Variants in DEPDC4 observed in about 807,000 individuals in gnomAD.
The protein encoded by DEPDC4 is DEP domain containing 4, also known as DEP domain-containing protein 4.
Under a neutral mutation model 52.0 loss-of-function variants are expected in DEPDC4, and 52 were observed. That is an observed-to-expected ratio of 1.00 (90% CI 0.80 to 1.26). DEPDC4 has a LOEUF of 1.26. Ranked by LOEUF, DEPDC4 falls within the 50% of genes most tolerant of loss-of-function variation. DEPDC4 has a pLI of 0.00. For missense variants in DEPDC4, 530 were observed against 546.9 expected (o/e 0.97, Z 0.31); for synonymous variants, 201 against 196.8 (o/e 1.02, Z -0.18).
downstream of DEPDC4, among the ~76,000 whole-genome samples, chr12:100,235,499 C>T (rs1191107192): frequency 2.0e-5 from 3 of 151,824 alleles, no homozygotes; most frequent in Non-Finnish European, 2.9e-5. Flanking sequence ...ATACACTGAA[C>T]CCAATTTGTA....
rs936813162 is a variant in DEPDC4 at position 100,253,499 on chromosome 12, A to T, written c.1095T>A (p.Ile365=). The change falls in exon 5 of 10, where the codon ATT becomes ATA. Residue 365 remains isoleucine, a synonymous_variant. Transcript: ENST00000550587. ...AACATCCTATCTTACCTAAAAGTTCAATAATTCCTGAATGAATATCAAAAT... is the reference window on the plus strand; with the variant it reads ...AACATCCTATCTTACCTAAAAGTTCTATAATTCCTGAATGAATATCAAAAT... ...DEYFDIHSGI[I]ELLENEKRAE... 2 of 1,264,544 alleles carry T rather than the reference A, an allele frequency of 1.6e-6. No homozygotes were observed. The highest frequency in any genetic ancestry group is 3.1e-5 in the African/African-American group (2 of 65,490). The allele number at this position is 1,264,544 out of a possible 1,614,324, so 78.3% of individuals were successfully genotyped here.
Position 100,241,861 on chromosome 12 carries a change from A to G in DEPDC4, c.*47-16T>C. The G allele has an allele frequency of 1.7e-6, 2 of 1,199,706 alleles. No homozygotes were observed. Among genetic ancestry groups the G allele is most frequent in the East Asian group, 1.3e-4 (2 of 15,830 alleles). 74.3% of individuals were successfully genotyped at this position (1,199,706 alleles called of 1,614,324 possible). On this transcript the variant is annotated splice_polypyrimidine_tract_variant and intron_variant, in intron 9 of 9. Coordinates refer to ENST00000550587, the MANE Select transcript of DEPDC4 (RefSeq NM_001364818.2). Reference sequence around the variant, plus strand: ...AACGTAAAGCCTGGAAAAAAAAAAAAAAAACAAAAGAAAAAGAAAAGTACC... The same window carrying G: ...AACGTAAAGCCTGGAAAAAAAAAAAGAAAACAAAAGAAAAAGAAAAGTACC...
Position 100,241,398 on chromosome 12 carries a change from T to C in DEPDC4, c.*494A>G, listed in dbSNP as rs1325266931. 6.6e-6 allele frequency among the ~76,000 whole-genome samples: 1 copy of C among 152,076 alleles called. No individual in the cohort carries two copies. Among genetic ancestry groups the C allele is most frequent in the Non-Finnish European group, 1.5e-5 (1 of 68,028 alleles). Reference sequence around the variant, plus strand: ...GCATGATTAAATTAAAAGTAATATTTTATAAAAATAAAATAATGGCCAAGT... The same window carrying C: ...GCATGATTAAATTAAAAGTAATATTCTATAAAAATAAAATAATGGCCAAGT... On this transcript the variant is annotated 3_prime_UTR_variant, in exon 10 of 10. Coordinates refer to ENST00000550587, the MANE Select transcript of DEPDC4 (RefSeq NM_001364818.2).
chr12:100,281,883 A>G, the DEPDC4 span, among the ~76,000 whole-genome samples: 1 of 152,068 alleles, frequency 6.6e-6, no homozygotes, highest in Non-Finnish European at 1.5e-5. Flanking sequence ...GTAAAGTGTA[A>G]AGTGTTAGCA....
chr12:100,278,415 A>G, the DEPDC4 span, among the ~76,000 whole-genome samples: 1 of 151,992 alleles, frequency 6.6e-6, no homozygotes, highest in African/African-American at 2.4e-5. Context: ...GCCTAGGCTC[A>G]TCTCGAACTG....
intron 3 of DEPDC4, among the ~76,000 whole-genome samples, chr12:100,258,722 T>G (rs1387428458): frequency 6.9e-6 from 1 of 145,376 alleles, no homozygotes; most frequent in African/African-American, 2.8e-5. Flanking sequence ...CCACCTAGAA[T>G]TCTGTCAATC....
chr12:100,237,663 C>A (rs1340125216), downstream of DEPDC4: 1 of 152,148 alleles, frequency 6.6e-6, no homozygotes, highest in East Asian at 1.9e-4. Context: ...TGACTGTTAT[C>A]CATCGAAGAG....
the DEPDC4 span, among the ~76,000 whole-genome samples, chr12:100,273,605 C>T: frequency 1.3e-5 from 2 of 152,160 alleles, no homozygotes; most frequent in African/African-American, 4.8e-5. Context: ...GATAGCATCT[C>T]AAATTTGAAT....
chr12:100,242,578 T>C lies in DEPDC4; in HGVS notation c.1454-9A>G, dbSNP rs981680835. ...GTTATTTTCAGCCATACCTTAAAGA[T>C]AAAGAAATAAAGCTTGACCACATGG... On this transcript the variant is annotated splice_polypyrimidine_tract_variant and intron_variant, in intron 8 of 9. Coordinates refer to ENST00000550587, the MANE Select transcript of DEPDC4 (RefSeq NM_001364818.2). 3 of 154,794 alleles carry C rather than the reference T, an allele frequency of 1.9e-5. No homozygotes were observed. Among genetic ancestry groups the C allele is most frequent in the Non-Finnish European group, 4.4e-5 (3 of 68,208 alleles). 9.6% of individuals were successfully genotyped at this position (154,794 alleles called of 1,614,324 possible). A position where few individuals can be genotyped will look rare whatever the true frequency, so the allele number is the denominator to read the frequency against.
chr12:100,262,938 G>A (rs764139519), intron 2 of DEPDC4, among the ~76,000 whole-genome samples: 1 of 152,188 alleles, frequency 6.6e-6, no homozygotes, highest in Non-Finnish European at 1.5e-5. Context: ...AAAAACTACT[G>A]AGATATAATT....
intron 8 of DEPDC4, among the ~76,000 whole-genome samples, chr12:100,243,622 G>A (rs960852587): frequency 2.6e-5 from 4 of 151,722 alleles, no homozygotes; most frequent in Non-Finnish European, 4.4e-5. Flanking sequence ...CTCCTCCAGG[G>A]CCTGCCTCCA....
At chr12:100,265,365 G>A (rs925280659) in intron 1 of DEPDC4, among the ~76,000 whole-genome samples, 4 of 152,184 alleles carry the variant, frequency 2.6e-5, no homozygotes, top group African/African-American at 9.7e-5. Flanking sequence ...GGAGGCTGAG[G>A]CAGGTGGAGG....
intron 1 of DEPDC4, among the ~76,000 whole-genome samples, chr12:100,265,834 T>C (rs1007554905): frequency 2.0e-5 from 3 of 152,174 alleles, no homozygotes; most frequent in Non-Finnish European, 4.4e-5. Flanking sequence ...TGTAAATAAA[T>C]AGAAAGATCT....
At chr12:100,257,499 C>G (rs573684652) in intron 3 of DEPDC4, among the ~76,000 whole-genome samples, 14 of 152,322 alleles carry the variant, frequency 9.2e-5, no homozygotes, top group African/African-American at 3.4e-4. Flanking sequence ...CCTCAGCCTA[C>G]CGAGTAGCTG....
Position 100,255,236 on chromosome 12 carries a change from T to G in DEPDC4, c.878+813A>C, listed in dbSNP as rs115910680. On this transcript the variant is annotated intron_variant, in intron 4 of 9. Coordinates refer to ENST00000550587, the MANE Select transcript of DEPDC4 (RefSeq NM_001364818.2). ...GCAGCGGCACCTGCAGAAATCCTGT[T>G]TCTTTTCTGGTGTCCCTATACTATC... is the stretch of plus-strand genomic sequence containing the variant. Among the ~76,000 whole-genome samples the G allele has an allele frequency of 9.5e-3, 1,440 of 152,350 alleles. 27 individuals are homozygous for G. The highest frequency in any genetic ancestry group is 0.032 in the African/African-American group (1,343 of 41,588).
At chr12:100,272,039 G>A (rs2096288219), upstream of DEPDC4, among the ~76,000 whole-genome samples, 1 of 152,108 alleles carries the variant, frequency 6.6e-6, no homozygotes, top group African/African-American at 2.4e-5. Context: ...TATTACAACA[G>A]ATTCACATGC....
At chr12:100,236,705 C>G (rs899622563), downstream of DEPDC4, among the ~76,000 whole-genome samples, 1 of 152,040 alleles carries the variant, frequency 6.6e-6, no homozygotes, top group African/African-American at 2.4e-5. Flanking sequence ...ACCTATTTAT[C>G]TTTGTTTTTA....
chr12:100,252,556 G>C lies in DEPDC4; in HGVS notation c.1106-20C>G. On this transcript the variant is annotated intron_variant, in intron 5 of 9. Coordinates refer to ENST00000550587, the MANE Select transcript of DEPDC4 (RefSeq NM_001364818.2). The stretch of plus-strand genomic sequence containing the variant: ...CATTTTCTGTTATATAGGTTACAAA[G>C]AAAACAAAGCATAAGATGAAAAATG... 1 of 1,568,598 alleles carries C rather than the reference G, an allele frequency of 6.4e-7. No individual in the cohort carries two copies. The highest frequency in any genetic ancestry group is 8.6e-7 in the Non-Finnish European group (1 of 1,160,718).
rs1174726925 is a variant in DEPDC4 at position 100,256,870 on chromosome 12, T to C, written c.701-644A>G. On this transcript the variant is annotated intron_variant, in intron 3 of 9. Transcript: ENST00000550587. ...GTTAGCTAGGATGGTCTCGATCTCC[T>C]GACCTAGTGATCCGCCCGCCTCGGC... Among the ~76,000 whole-genome samples, 7 of 152,160 alleles carry C rather than the reference T, an allele frequency of 4.6e-5. No homozygotes were observed. The East Asian group carries it at 1.4e-3, about 29-fold the overall frequency.
Sources: allele counts gnomAD v4.1 joint callset (sites outside exome capture counted in the v4.1 genomes callset), GRCh38; gene constraint gnomAD v4.1.1; transcripts MANE v1.5; gene names NCBI Gene and HGNC (gene_info 2026-07-23, HGNC 2026-07-21).